XKR9: variants seen among roughly 807,000 people sequenced by gnomAD.
XKR9 encodes XK-related protein 9.
XKR9 carries 32 observed loss-of-function variants against 32.0 expected under a neutral mutation model. That is an observed-to-expected ratio of 1.00 (90% confidence interval 0.76 to 1.34). XKR9 has a LOEUF of 1.34. Among genes scored for constraint, XKR9 ranks in the 40% most tolerant of loss-of-function variants. The pLI, the probability that XKR9 is intolerant of heterozygous loss-of-function variation, is 0.00. For missense variants in XKR9, 546 were observed against 429.7 expected (o/e 1.27, Z -2.39); for synonymous variants, 168 against 143.4 (o/e 1.17, Z -1.22).
At chr8:70,800,012 C>T in the XKR9 span, among the ~76,000 whole-genome samples, 4 of 152,190 alleles carry the variant, frequency 2.6e-5, no homozygotes, top group Admixed American at 2.6e-4. Flanking sequence ...AGAGATGGCT[C>T]TTACTATTTT....
chr8:70,870,222 G>T, the XKR9 span, among the ~76,000 whole-genome samples: 20 of 152,146 alleles, frequency 1.3e-4, no homozygotes, highest in Admixed American at 1.0e-3. Flanking sequence ...TCCTTTGAAA[G>T]AGTTATGATA....
chr8:70,979,756 A>C, the XKR9 span, among the ~76,000 whole-genome samples: 1 of 152,200 alleles, frequency 6.6e-6, no homozygotes, highest in Non-Finnish European at 1.5e-5. Context: ...CTCAGAGCTC[A>C]AACATTGTGC....
the XKR9 span, among the ~76,000 whole-genome samples, chr8:70,938,716 T>C: frequency 2.0e-5 from 3 of 152,084 alleles, no homozygotes; most frequent in East Asian, 1.9e-4. Context: ...TAACAGGTGG[T>C]ATTTATCTAA....
At chr8:70,744,050 G>T (rs1227320510) in intron 2 of XKR9, among the ~76,000 whole-genome samples, 3 of 152,004 alleles carry the variant, frequency 2.0e-5, no homozygotes, top group Non-Finnish European at 4.4e-5. Context: ...ATGTTTGCCA[G>T]TCTTTCTGCC....
At chr8:70,716,637 C>T (rs1037127328) in intron 4 of XKR9, among the ~76,000 whole-genome samples, 2 of 152,258 alleles carry the variant, frequency 1.3e-5, no homozygotes, top group Non-Finnish European at 1.5e-5. Context: ...CCTTCCATGA[C>T]ACGTGGGGCT....
intron 2 of XKR9, among the ~76,000 whole-genome samples, chr8:70,771,570 T>C (rs1368503009): frequency 6.6e-6 from 1 of 152,234 alleles, no homozygotes; most frequent in Non-Finnish European, 1.5e-5. Context: ...GGCCTGTTAA[T>C]ATACTTCAAA....
the XKR9 span, among the ~76,000 whole-genome samples, chr8:70,987,818 C>G: frequency 6.6e-6 from 1 of 152,204 alleles, no homozygotes; most frequent in East Asian, 1.9e-4. Context: ...GACCCCACCC[C>G]TACAGCAAAC....
At chr8:70,983,884 G>A in the XKR9 span, among the ~76,000 whole-genome samples, 1 of 150,348 alleles carries the variant, frequency 6.7e-6, no homozygotes, top group Non-Finnish European at 1.5e-5. Context: ...TGCTATTTAA[G>A]TCGAAGCGAA....
the XKR9 span, among the ~76,000 whole-genome samples, chr8:70,857,939 T>C: frequency 6.6e-6 from 1 of 152,104 alleles, no homozygotes; most frequent in Non-Finnish European, 1.5e-5. Context: ...AAACTCTCAA[T>C]AAATTAGGTA....
intron 2 of XKR9, among the ~76,000 whole-genome samples, chr8:70,780,591 G>T (rs1207471687): frequency 6.6e-6 from 1 of 152,066 alleles, no homozygotes; most frequent in African/African-American, 2.4e-5. Context: ...GCTTGAAGAG[G>T]CAAGGAAGAA....
At chr8:70,774,857 TG>T (rs1204338998) in intron 2 of XKR9, among the ~76,000 whole-genome samples, 1 of 152,188 alleles carries the variant, frequency 6.6e-6, no homozygotes, top group East Asian at 1.9e-4. Flanking sequence ...TTGTTTTTAC[TG>T]TTATATGTCT....
the XKR9 span, among the ~76,000 whole-genome samples, chr8:70,879,841 A>T: frequency 2.6e-5 from 4 of 152,326 alleles, no homozygotes; most frequent in African/African-American, 7.2e-5. Context: ...ATTTTAGACC[A>T]ATATCCCTGA....
the XKR9 span, among the ~76,000 whole-genome samples, chr8:70,991,884 G>C: frequency 1.3e-5 from 2 of 151,024 alleles, no homozygotes; most frequent in African/African-American, 4.9e-5. Flanking sequence ...AAGTATTTCT[G>C]TCTTCTTTAG....
rs538526509 is a variant in XKR9, at chr8:70,734,442, T to C, written c.*18T>C. 7.5e-6 allele frequency: 11 copies of C among 1,473,762 alleles called. No individual in the cohort carries two copies. In the East Asian group the frequency reaches 1.4e-4, roughly 19 times the overall value. The allele number at this position is 1,473,762 out of a possible 1,614,324, so 91.3% of individuals were successfully genotyped here. A position where few individuals can be genotyped will look rare whatever the true frequency, so the allele number is the denominator to read the frequency against. Reference sequence around the variant, plus strand: ...TGGAATAAGCTATTCATTTATGATATATATTTTCTTATATTTTGTTTCATT... The same window carrying C: ...TGGAATAAGCTATTCATTTATGATACATATTTTCTTATATTTTGTTTCATT... On this transcript the variant is annotated 3_prime_UTR_variant, in exon 5 of 5. Coordinates refer to ENST00000408926, the MANE Select transcript of XKR9 (RefSeq NM_001011720.2).
chr8:70,926,374 A>G, the XKR9 span, among the ~76,000 whole-genome samples: 2 of 152,192 alleles, frequency 1.3e-5, no homozygotes, highest in Non-Finnish European at 2.9e-5. Flanking sequence ...CCTGGCCATA[A>G]CCAATTTCTT....
chr8:71,057,916 G>A, the XKR9 span, among the ~76,000 whole-genome samples: 4 of 152,164 alleles, frequency 2.6e-5, no homozygotes, highest in Admixed American at 1.3e-4. Context: ...CATGCGCGGT[G>A]GCTTATGCCC....
At chr8:70,782,448 T>G (rs1199947932) in intron 2 of XKR9, among the ~76,000 whole-genome samples, 1 of 152,072 alleles carries the variant, frequency 6.6e-6, no homozygotes, top group Non-Finnish European at 1.5e-5. Flanking sequence ...AAATGTACAT[T>G]ACTCTAAAAC....
At chr8:70,704,053 G>A (rs1260888849) in intron 3 of XKR9, among the ~76,000 whole-genome samples, 1 of 152,014 alleles carries the variant, frequency 6.6e-6, no homozygotes, top group Non-Finnish European at 1.5e-5. Flanking sequence ...ATGGTGGCGG[G>A]CACCTGTAGT....
At chr8:70,959,959 G>T in the XKR9 span, among the ~76,000 whole-genome samples, 1 of 152,150 alleles carries the variant, frequency 6.6e-6, no homozygotes, top group Admixed American at 6.5e-5. Flanking sequence ...GCCGGGAGTG[G>T]TGGCTCACGC....
Sources: gnomAD v4.1 joint callset for allele counts (sites outside exome capture counted in the v4.1 genomes callset) on GRCh38, gnomAD v4.1.1 for gene constraint, MANE v1.5 for transcripts, NCBI Gene and HGNC (gene_info 2026-07-23, HGNC 2026-07-21) for gene names.